The following CADM1 variants were observed in gnomAD, a reference collection of about 807,000 sequenced individuals.
CADM1 encodes the protein TSLC-1.
In CADM1, 15 loss-of-function variants were observed where a neutral mutation model predicts 53.1. That is an observed-to-expected ratio of 0.28 (90% CI 0.19 to 0.44). The LOEUF is 0.44. CADM1 is among the 20% of genes least tolerant of loss of function. The pLI is 1.00. For synonymous variants in CADM1, 281 were observed against 243.0 expected (o/e 1.16, Z -1.45); for missense variants, 434 against 611.3 (o/e 0.71, Z 3.06).
chr11:115,343,366 G>GGTAA, intron 1 of CADM1, among the ~76,000 whole-genome samples: 1 of 152,098 alleles, frequency 6.6e-6, no homozygotes, highest in African/African-American at 2.4e-5. Flanking sequence ...AACCCAATGG[G>GGTAA]GTAAGCACCA....
At chr11:115,379,623 T>A (rs973196053) in intron 1 of CADM1, among the ~76,000 whole-genome samples, 2 of 152,168 alleles carry the variant, frequency 1.3e-5, no homozygotes, top group African/African-American at 4.8e-5. Context: ...GAAGGGGTGG[T>A]GATTGTGTTT....
intron 9 of CADM1, among the ~76,000 whole-genome samples, chr11:115,195,429 T>C (rs151052379): frequency 6.6e-6 from 1 of 152,356 alleles, no homozygotes; most frequent in East Asian, 1.9e-4. Flanking sequence ...TTTTCCTTTT[T>C]ATAAAAACAC....
In CADM1 at chr11:115,338,877, ATTTTT is replaced by A. The variant is rs56300408; in HGVS notation, c.125-98462_125-98458del. 2.7e-4 allele frequency among the ~76,000 whole-genome samples: 34 copies of A among 127,754 alleles called. 1 individual carries two copies. Among genetic ancestry groups the A allele is most frequent in the African/African-American group, 3.2e-4 (11 of 34,508 alleles). 83.8% of individuals were successfully genotyped at this position (127,754 alleles called of 152,430 possible). ...TGTTCCACCTTCTTTTATTTTTTTT[ATTTTT>A]TTTTTTTTAATTTTTTTTTTTTTTT... On this transcript the variant is annotated intron_variant, in intron 1 of 11. Coordinates refer to ENST00000331581, the MANE Select transcript of CADM1 (RefSeq NM_001301043.2).
intron 10 of CADM1, among the ~76,000 whole-genome samples, chr11:115,183,176 C>G (rs1291028461): frequency 5.9e-5 from 9 of 152,334 alleles, no homozygotes; most frequent in Non-Finnish European, 1.2e-4. Flanking sequence ...GCTAGTGGAA[C>G]TTCAGTCTCC....
At chr11:115,322,046 C>T (rs1437338965) in intron 1 of CADM1, among the ~76,000 whole-genome samples, 1 of 152,158 alleles carries the variant, frequency 6.6e-6, no homozygotes, top group East Asian at 1.9e-4. Context: ...TAGCTGGCGT[C>T]AAAGCACAGA....
At chr11:115,332,566 T>C (rs191865808) in intron 1 of CADM1, among the ~76,000 whole-genome samples, 20 of 152,098 alleles carry the variant, frequency 1.3e-4, no homozygotes, top group Admixed American at 1.2e-3. Flanking sequence ...GGAGGTGAGG[T>C]GCAGCAGGGG....
At chr11:115,429,513 G>T (rs1485320373) in intron 1 of CADM1, among the ~76,000 whole-genome samples, 1 of 151,486 alleles carries the variant, frequency 6.6e-6, no homozygotes, top group Non-Finnish European at 1.5e-5. Flanking sequence ...GCTGAGGCAG[G>T]AGAATTGCTT....
At chr11:115,469,234 G>C (rs1304970515) in intron 1 of CADM1, among the ~76,000 whole-genome samples, 1 of 152,118 alleles carries the variant, frequency 6.6e-6, no homozygotes, top group African/African-American at 2.4e-5. Flanking sequence ...AAGCACTTCA[G>C]CCACTCCTCT....
At chr11:115,236,821 T>A (rs1345297370) in intron 3 of CADM1, among the ~76,000 whole-genome samples, 2 of 152,206 alleles carry the variant, frequency 1.3e-5, no homozygotes, top group Non-Finnish European at 2.9e-5. Context: ...GGTTGTAATT[T>A]TAAGACAGAA....
At chr11:115,258,204 C>T (rs763640951) in intron 1 of CADM1, among the ~76,000 whole-genome samples, 8 of 152,132 alleles carry the variant, frequency 5.3e-5, no homozygotes, top group Non-Finnish European at 1.0e-4. Flanking sequence ...CTGACTTTAT[C>T]CGAATGTTAA....
At chr11:115,274,319 C>T (rs1354554109) in intron 1 of CADM1, among the ~76,000 whole-genome samples, 2 of 152,258 alleles carry the variant, frequency 1.3e-5, no homozygotes, top group African/African-American at 4.8e-5. Flanking sequence ...TAAGCACGAG[C>T]ACCAGGCTCT....
intron 1 of CADM1, chr11:115,287,362 G>T (rs953071592): frequency 6.6e-6 from 1 of 152,272 alleles, no homozygotes; most frequent in African/African-American, 2.4e-5. Context: ...GGGACAGAGG[G>T]TGAGGGGACG....
Position 115,479,474 on chromosome 11 carries a change from C to CA in CADM1, c.124+24796dup, listed in dbSNP as rs1260390405. Among the ~76,000 whole-genome samples the CA allele has an allele frequency of 5.9e-5, 9 of 152,038 alleles. No homozygotes were observed. In the South Asian group the frequency reaches 1.0e-3, roughly 18 times the overall value. On this transcript the variant is annotated intron_variant, in intron 1 of 11. Coordinates refer to ENST00000331581, the MANE Select transcript of CADM1 (RefSeq NM_001301043.2). Reference sequence around the variant, plus strand: ...ACACATAGAGCTTCAGAACCCAACCCAAAAAAACGTACAAAATTGTCCCTC... The same window carrying CA: ...ACACATAGAGCTTCAGAACCCAACCCAAAAAAAACGTACAAAATTGTCCCTC...
intron 1 of CADM1, among the ~76,000 whole-genome samples, chr11:115,472,458 T>G (rs543645656): frequency 3.4e-4 from 51 of 151,228 alleles, no homozygotes; most frequent in African/African-American, 9.2e-4. Flanking sequence ...TAGGGGGGGG[T>G]GTGTGTGTGA....
chr11:115,421,184 C>G (rs916154552), intron 1 of CADM1, among the ~76,000 whole-genome samples: 5 of 152,144 alleles, frequency 3.3e-5, no homozygotes, highest in Non-Finnish European at 5.9e-5. Context: ...TGCGCCCTGG[C>G]AAAGTTTGGC....
At chr11:115,464,901 C>T (rs745435771) in intron 1 of CADM1, among the ~76,000 whole-genome samples, 3 of 152,162 alleles carry the variant, frequency 2.0e-5, no homozygotes, top group South Asian at 2.1e-4. Context: ...CATCCTTTAT[C>T]GATCTCCTAA....
chr11:115,394,103 A>T (rs1281829843), intron 1 of CADM1, among the ~76,000 whole-genome samples: 1 of 152,208 alleles, frequency 6.6e-6, no homozygotes, highest in East Asian at 1.9e-4. Flanking sequence ...GTGCTTACAG[A>T]TCTAGATCTA....
At chr11:115,386,688 T>A (rs111601850) in intron 1 of CADM1, among the ~76,000 whole-genome samples, 4,715 of 130,112 alleles carry the variant, frequency 0.036, 114 homozygotes, top group Middle Eastern at 0.089. Context: ...AATCCATGAA[T>A]AGATTAATCA....
At chr11:115,228,007 G>A (rs948590192) in intron 5 of CADM1, among the ~76,000 whole-genome samples, 3 of 152,306 alleles carry the variant, frequency 2.0e-5, no homozygotes, top group Admixed American at 6.5e-5. Flanking sequence ...GGATTATCTG[G>A]GTGAGCCCTA....
Sources: gnomAD v4.1 joint callset for allele counts (sites outside exome capture counted in the v4.1 genomes callset) on GRCh38, gnomAD v4.1.1 for gene constraint, MANE v1.5 for transcripts, NCBI Gene and HGNC (gene_info 2026-07-23, HGNC 2026-07-21) for gene names.